The following MCPH1 variants were observed in gnomAD, a reference collection of about 807,000 sequenced individuals.
MCPH1 encodes microcephalin.
In MCPH1, 104 loss-of-function variants were observed where a neutral mutation model predicts 84.5. The observed-to-expected ratio is 1.23, with a 90% CI of 1.05 to 1.45. The LOEUF is 1.45. Ranked by LOEUF, MCPH1 falls within the 40% of genes most tolerant of loss-of-function variation. MCPH1 has a pLI of 0.00. For missense variants in MCPH1, 1,498 were observed against 1,005.7 expected (o/e 1.49, Z -6.62); for synonymous variants, 514 against 366.8 (o/e 1.40, Z -4.58).
At chr8:6,619,786 A>C (rs949714783) in intron 12 of MCPH1, among the ~76,000 whole-genome samples, 3 of 151,880 alleles carry the variant, frequency 2.0e-5, no homozygotes, top group African/African-American at 7.3e-5. Flanking sequence ...GGGTTTCACC[A>C]TGTTAGCCAG....
intron 13 of MCPH1, among the ~76,000 whole-genome samples, chr8:6,634,494 T>TGTGCA (rs1586886013): frequency 1.1e-5 from 1 of 88,964 alleles, no homozygotes. Context: ...ACAGAATGAC[T>TGTGCA]GTGCAGTGCT....
chr8:6,606,337 A>C (rs1829770018), intron 12 of MCPH1, among the ~76,000 whole-genome samples: 1 of 152,250 alleles, frequency 6.6e-6, no homozygotes, highest in African/African-American at 2.4e-5. Context: ...AATCAAATAC[A>C]ATTCATTCCA....
intron 12 of MCPH1, among the ~76,000 whole-genome samples, chr8:6,517,754 A>G (rs1816547812): frequency 6.6e-6 from 1 of 152,152 alleles, no homozygotes; most frequent in Non-Finnish European, 1.5e-5. Flanking sequence ...GCTCTCAGAA[A>G]GGTTAAATGA....
At chr8:6,444,314 T>C in intron 7 of MCPH1, 79 bp from the exon 8 acceptor site, 1 of 1,549,168 alleles carries the variant, frequency 6.5e-7, no homozygotes, top group East Asian at 2.3e-5. Context: ...TTAAAAGTTG[T>C]TTTATTGGTC....
chr8:6,603,489 C>T (rs1218924594), intron 12 of MCPH1, among the ~76,000 whole-genome samples: 2 of 152,038 alleles, frequency 1.3e-5, no homozygotes, highest in Non-Finnish European at 2.9e-5. Flanking sequence ...ACCCTTTGCT[C>T]GAAAATGATC....
chr8:6,595,172 C>G (rs564168370), intron 12 of MCPH1, among the ~76,000 whole-genome samples: 2 of 152,332 alleles, frequency 1.3e-5, no homozygotes, highest in South Asian at 4.1e-4. Context: ...AGCACCCACT[C>G]AGCTGCGAGG....
chr8:6,408,497 C>G (rs1244094887), intron 1 of MCPH1, among the ~76,000 whole-genome samples: 2 of 152,026 alleles, frequency 1.3e-5, no homozygotes, highest in East Asian at 3.9e-4. Context: ...GCTGGGATTA[C>G]AGGCATGAGC....
intron 9 of MCPH1, among the ~76,000 whole-genome samples, chr8:6,466,774 C>A (rs541031669): frequency 2.5e-4 from 38 of 152,176 alleles, no homozygotes; most frequent in African/African-American, 7.9e-4. Context: ...CGGGGTTTCA[C>A]CATGTTGTCC....
intron 13 of MCPH1, among the ~76,000 whole-genome samples, chr8:6,638,348 G>C (rs1211668716): frequency 6.6e-6 from 1 of 151,992 alleles, no homozygotes; most frequent in Admixed American, 6.6e-5. Context: ...AGCTCACATG[G>C]GTCCCGTGTG....
Position 6,505,462 on chromosome 8 carries a change from ATATTCTTTACATATAT to A in MCPH1, c.2214+5534_2214+5549del, listed in dbSNP as rs1563307258. 1.0e-3 allele frequency among the ~76,000 whole-genome samples: 78 copies of A among 77,658 alleles called. 6 individuals are homozygous for A. Among genetic ancestry groups the A allele is most frequent in the African/African-American group, 3.2e-3 (77 of 24,122 alleles). 50.9% of individuals were successfully genotyped at this position (77,658 alleles called of 152,430 possible). A position where few individuals can be genotyped will look rare whatever the true frequency, so the allele number is the denominator to read the frequency against. On this transcript the variant is annotated intron_variant, in intron 12 of 13. Transcript: ENST00000344683. ...TTCTTTATATACATATAGAATATATATATTCTTTACATATATAGAATATATATATTCTTTATATATG... is the reference window on the plus strand; with the variant it reads ...TTCTTTATATACATATAGAATATATAAGAATATATATATTCTTTATATATG...
chr8:6,414,849 G>C lies in MCPH1; in HGVS notation c.199G>C (p.Gly67Arg), dbSNP rs199506455. 5.3e-5 allele frequency: 86 copies of C among 1,613,798 alleles called. No homozygotes were observed. The African/African-American group carries it at 9.3e-4, about 18-fold the overall frequency. The change falls in exon 3 of 14, where the codon GGC becomes CGC. Residue 67 changes from glycine (G) to arginine (R), a missense_variant. Physicochemically the swap from Gly to Arg is moderately radical, Grantham distance 125. Transcript: ENST00000344683. The stretch of plus-strand genomic sequence containing the variant: ...CACTTGGGACAAAGCTCAGAAGAGA[G>C]GCGTAAAGCTCGTTTCGGTGCTCTG... ...QSTWDKAQKR[G>R]VKLVSVLWVE...
chr8:6,514,808 C>CA (rs1232684740), intron 12 of MCPH1: 1 of 1,593,464 alleles, frequency 6.3e-7, no homozygotes, highest in African/African-American at 1.3e-5. Flanking sequence ...GTATAAGTGA[C>CA]AGAGCCCCCC....
rs149197223 is a variant in MCPH1, at chr8:6,626,173, C to T, written c.2452+4482C>T. On this transcript the variant is annotated intron_variant, in intron 13 of 13. Transcript: ENST00000344683. ...TCGACCTCAGCTCTGAGGTGACCCT[C>T]AGCTCGCCCGCCACCCCAGCTGCCC... The T allele has an allele frequency of 3.6e-4, 352 of 985,388 alleles. No homozygotes were observed. In the Middle Eastern group the frequency reaches 9.9e-3, roughly 28 times the overall value. The allele number at this position is 985,388 out of a possible 1,614,324, so 61.0% of individuals were successfully genotyped here.
chr8:6,575,562 C>A (rs1260924638), intron 12 of MCPH1, among the ~76,000 whole-genome samples: 1 of 152,194 alleles, frequency 6.6e-6, no homozygotes, highest in Admixed American at 6.5e-5. Context: ...TGCAACTCTT[C>A]ATAAATTTGT....
intron 12 of MCPH1, among the ~76,000 whole-genome samples, chr8:6,524,570 C>G (rs576676160): frequency 6.6e-6 from 1 of 152,148 alleles, no homozygotes; most frequent in Non-Finnish European, 1.5e-5. Context: ...TCTTACCTTC[C>G]GTTTAACAGA....
intron 12 of MCPH1, among the ~76,000 whole-genome samples, chr8:6,510,089 C>T (rs199804186): frequency 3.8e-4 from 58 of 152,156 alleles, no homozygotes; most frequent in African/African-American, 1.1e-3. Flanking sequence ...CGGCTTACAT[C>T]GGTCATCTGT....
chr8:6,500,473 A>G (rs975499472), intron 12 of MCPH1: 1 of 153,426 alleles, frequency 6.5e-6, no homozygotes, highest in East Asian at 1.9e-4. Flanking sequence ...TCATGTTCAA[A>G]AATGTTAATT....
intron 12 of MCPH1, among the ~76,000 whole-genome samples, chr8:6,506,034 T>C (rs373407166): frequency 4.1e-5 from 6 of 146,854 alleles, no homozygotes; most frequent in Middle Eastern, 7.2e-3. Context: ...AAAACATATA[T>C]ATATTCTTTA....
At chr8:6,561,403 AAAT>A (rs1825520107) in intron 12 of MCPH1, among the ~76,000 whole-genome samples, 1 of 152,208 alleles carries the variant, frequency 6.6e-6, no homozygotes, top group African/African-American at 2.4e-5. Flanking sequence ...CTCATGACTC[AAAT>A]AATAACTTAG....
Sources: gnomAD v4.1 joint callset for allele counts (sites outside exome capture counted in the v4.1 genomes callset) on GRCh38, gnomAD v4.1.1 for gene constraint, MANE v1.5 for transcripts, NCBI Gene and HGNC (gene_info 2026-07-23, HGNC 2026-07-21) for gene names.